The following BRINP3 variants were observed in gnomAD, a reference collection of about 807,000 sequenced individuals.
The protein encoded by BRINP3 is BMP/retinoic acid-inducible neural-specific protein 3.
A neutral mutation model predicts 71.0 loss-of-function variants in BRINP3; 19 were observed. The observed-to-expected ratio is 0.27, with a 90% CI of 0.19 to 0.39. BRINP3 has a LOEUF of 0.39. BRINP3 is among the 10% of genes least tolerant of loss of function. The pLI, the probability that BRINP3 is intolerant of heterozygous loss-of-function variation, is 1.00. For missense variants in BRINP3, 959 were observed against 940.8 expected (o/e 1.02, Z -0.25); for synonymous variants, 380 against 337.7 (o/e 1.13, Z -1.37).
chr1:190,397,654 C>T (rs1009319937), intron 2 of BRINP3, among the ~76,000 whole-genome samples: 1 of 151,952 alleles, frequency 6.6e-6, no homozygotes, highest in Non-Finnish European at 1.5e-5. Flanking sequence ...TTAGATATCA[C>T]CTGTCTTGTT....
intron 3 of BRINP3, among the ~76,000 whole-genome samples, chr1:190,270,347 A>G (rs916731077): frequency 6.6e-6 from 1 of 151,260 alleles, no homozygotes; most frequent in Admixed American, 6.6e-5. Flanking sequence ...TTATTTATTT[A>G]TAAAAATAAA....
intron 2 of BRINP3, among the ~76,000 whole-genome samples, chr1:190,303,544 T>C (rs1185111275): frequency 4.0e-5 from 6 of 151,810 alleles, no homozygotes; most frequent in Admixed American, 3.9e-4. Flanking sequence ...AGTCATTTAT[T>C]TCATTTGTTC....
At chr1:190,159,222 G>A (rs1657132284) in intron 7 of BRINP3, among the ~76,000 whole-genome samples, 1 of 152,076 alleles carries the variant, frequency 6.6e-6, no homozygotes, top group Admixed American at 6.6e-5. Context: ...AAAATCACAA[G>A]TGTTGAAGAT....
chr1:190,099,162 C>G (rs755712395), intron 7 of BRINP3, 28 bp from the exon 8 acceptor site: 2 of 1,595,998 alleles, frequency 1.3e-6, no homozygotes, highest in South Asian at 2.2e-5. Flanking sequence ...AACGAATCTA[C>G]ATAAATACAA....
intron 5 of BRINP3, among the ~76,000 whole-genome samples, chr1:190,232,635 A>G (rs1658103614): frequency 6.6e-6 from 1 of 152,080 alleles, no homozygotes; most frequent in African/African-American, 2.4e-5. Flanking sequence ...TACAAAAGAG[A>G]AATGTTGCTT....
At chr1:190,340,669 TA>T (rs1667595437) in intron 2 of BRINP3, among the ~76,000 whole-genome samples, 1 of 151,780 alleles carries the variant, frequency 6.6e-6, no homozygotes, top group Admixed American at 6.6e-5. Context: ...GTTCTTAATT[TA>T]TTTCCCCACA....
intron 6 of BRINP3, among the ~76,000 whole-genome samples, chr1:190,162,832 T>C (rs1041176389): frequency 2.6e-5 from 4 of 151,898 alleles, no homozygotes; most frequent in African/African-American, 9.7e-5. Context: ...AGAAATAGGG[T>C]TTTAATATGA....
intron 2 of BRINP3, among the ~76,000 whole-genome samples, chr1:190,306,394 G>C (rs148165758): frequency 0.01 from 1,577 of 151,910 alleles, 17 homozygotes; most frequent in Non-Finnish European, 0.014. Context: ...GATTGTAAGA[G>C]TAGGGTGTCC....
chr1:190,434,116 T>A (rs368157386), intron 2 of BRINP3, among the ~76,000 whole-genome samples: 6 of 148,136 alleles, frequency 4.1e-5, no homozygotes, highest in South Asian at 4.2e-4. Context: ...ATTTATTTAT[T>A]TTTATTTATT....
intron 2 of BRINP3, among the ~76,000 whole-genome samples, chr1:190,355,224 C>T (rs1337762118): frequency 6.6e-6 from 1 of 151,816 alleles, no homozygotes; most frequent in African/African-American, 2.4e-5. Context: ...CATCAGGGAA[C>T]ATTACAGGGT....
At chr1:190,244,387 C>T (rs975006998) in intron 4 of BRINP3, among the ~76,000 whole-genome samples, 10 of 152,084 alleles carry the variant, frequency 6.6e-5, no homozygotes, top group African/African-American at 2.2e-4. Context: ...ACCCAATCTG[C>T]TCGATTGATA....
At chr1:190,476,071 C>G (rs1677479605) in intron 1 of BRINP3, 2 of 151,830 alleles carry the variant, frequency 1.3e-5, no homozygotes, top group Non-Finnish European at 1.5e-5. Context: ...AACCCCCGTT[C>G]CCTCTCGGTG....
intron 6 of BRINP3, among the ~76,000 whole-genome samples, chr1:190,191,394 G>A (rs1251598029): frequency 6.6e-6 from 1 of 151,836 alleles, no homozygotes; most frequent in East Asian, 1.9e-4. Context: ...CATCCTCTAA[G>A]CTCCCTCCCC....
At chr1:190,266,650 A>C (rs1661688960) in intron 3 of BRINP3, among the ~76,000 whole-genome samples, 1 of 152,162 alleles carries the variant, frequency 6.6e-6, no homozygotes, top group Non-Finnish European at 1.5e-5. Context: ...TCCAAGAAAA[A>C]GATCAACAGG....
intron 2 of BRINP3, among the ~76,000 whole-genome samples, chr1:190,296,083 G>T (rs75463969): frequency 0.14 from 21,192 of 147,400 alleles, 2,065 homozygotes; most frequent in South Asian, 0.27. Context: ...TTTTGGGGGG[G>T]GGCTGGGCTT....
intron 6 of BRINP3, among the ~76,000 whole-genome samples, chr1:190,219,548 A>G (rs565929120): frequency 2.4e-4 from 37 of 152,208 alleles, no homozygotes; most frequent in Non-Finnish European, 4.4e-4. Flanking sequence ...ATTTGAAAAT[A>G]CATAGTCAGG....
At chr1:190,245,928 T>C (rs1468477433) in intron 4 of BRINP3, among the ~76,000 whole-genome samples, 1 of 151,948 alleles carries the variant, frequency 6.6e-6, no homozygotes, top group Non-Finnish European at 1.5e-5. Flanking sequence ...ACAAAGGACA[T>C]GAACTCATCA....
chr1:190,458,925 T>G (rs2102649771), intron 1 of BRINP3, among the ~76,000 whole-genome samples: 1 of 151,820 alleles, frequency 6.6e-6, no homozygotes, highest in Admixed American at 6.6e-5. Flanking sequence ...AGAGTGATTT[T>G]ATATAAAAGA....
rs181977952 is a variant in BRINP3 at position 190,253,740 on chromosome 1, G to A, written c.618+11125C>T. On this transcript the variant is annotated intron_variant, in intron 4 of 7. Transcript: ENST00000367462. ...ATTCTGTAGGTTGTCTGTTTAGTCT[G>A]ATAGTAGTTTCTTTGGCCTTGCCGA... Among the ~76,000 whole-genome samples, 1,069 of 152,256 alleles carry A rather than the reference G, an allele frequency of 7.0e-3. 15 individuals carry two copies. Among genetic ancestry groups the A allele is most frequent in the African/African-American group, 0.025 (1,020 of 41,540 alleles).
Sources: allele counts gnomAD v4.1 joint callset (sites outside exome capture counted in the v4.1 genomes callset), GRCh38; gene constraint gnomAD v4.1.1; transcripts MANE v1.5; gene names NCBI Gene and HGNC (gene_info 2026-07-23, HGNC 2026-07-21).